Variants in ZNF724 observed in about 807,000 individuals in gnomAD.
ZNF724 encodes zinc finger protein 724.
A neutral mutation model predicts 29.3 loss-of-function variants in ZNF724; 14 were observed. The ratio of observed to expected loss-of-function variants is 0.48; its 90% CI spans 0.32 to 0.75. The LOEUF is 0.75. ZNF724 is among the 30% of genes least tolerant of loss of function. The pLI is 0.04. For missense variants in ZNF724, 557 were observed against 571.2 expected, an observed-to-expected ratio of 0.98 and a Z score of 0.25; for synonymous variants, 180 against 193.6, an observed-to-expected ratio of 0.93 and a Z score of 0.58.
At chr19:23,227,999 T>C (rs1025879078) in intron 3 of ZNF724, among the ~76,000 whole-genome samples, 1 of 152,176 alleles carries the variant, frequency 6.6e-6, no homozygotes, top group Non-Finnish European at 1.5e-5. Flanking sequence ...CAGGAATTCC[T>C]GACAAAAATG....
rs1249193907 is a variant in ZNF724 at position 23,222,529 on chromosome 19, A to G, written c.1716T>C (p.Asn572=). 6.7e-6 allele frequency: 9 copies of G among 1,347,018 alleles called. No individual in the cohort carries two copies. In the East Asian group the frequency reaches 6.9e-5, roughly 10 times the overall value. The allele number at this position is 1,347,018 out of a possible 1,614,324, so 83.4% of individuals were successfully genotyped here. The change falls in exon 4 of 4, where the codon AAT becomes AAC. Residue 572 remains asparagine, a synonymous_variant. Transcript: ENST00000418100. The stretch of plus-strand genomic sequence containing the variant: ...TATGTTTAGTCAGAGTTGAGGACCA[A>G]TTAAAGGCTTTGCCACATTCTTCAC... The part of the protein sequence containing the change: ...YKCEECGKAF[N]WSSTLTKHKV...
chr19:23,227,693 G>T (rs1410652858), intron 3 of ZNF724, among the ~76,000 whole-genome samples: 1 of 151,566 alleles, frequency 6.6e-6, no homozygotes, highest in Non-Finnish European at 1.5e-5. Context: ...TTTTTATTTA[G>T]ATATAGTCTG....
chr19:23,223,493 TC>T lies in ZNF724; in HGVS notation c.751del (p.Glu251ArgfsTer24). 1 of 753,708 alleles carries T rather than the reference TC, an allele frequency of 1.3e-6. No individual in the cohort carries two copies. Among genetic ancestry groups the T allele is most frequent in the Non-Finnish European group, 2.5e-6 (1 of 405,262 alleles). The allele number at this position is 753,708 out of a possible 1,614,324, so 46.7% of individuals were successfully genotyped here. ...ACATTCTTCACGTTTGTAGGATTTC[TC>T]TCCAGTATGAATTATCTTATGTGTG... ...LNTHKIIHTG[E>X]KSYKREECGK... On this transcript the variant is annotated frameshift_variant, in exon 4 of 4. Coordinates refer to ENST00000418100, the MANE Select transcript of ZNF724 (RefSeq NM_001355404.2). LOFTEE classifies it low-confidence loss of function (END_TRUNC).
chr19:23,232,524 TAATAA>T, intron 1 of ZNF724, among the ~76,000 whole-genome samples: 1 of 152,310 alleles, frequency 6.6e-6, no homozygotes, highest in African/African-American at 2.4e-5. Flanking sequence ...CTTTTCTGGA[TAATAA>T]AATATAAAAT....
At chr19:23,228,822 G>A (rs1043323676) in intron 3 of ZNF724, among the ~76,000 whole-genome samples, 1 of 151,078 alleles carries the variant, frequency 6.6e-6, no homozygotes, top group Admixed American at 6.6e-5. Flanking sequence ...CCTGGGAGGA[G>A]GACGTTGCAG....
At chr19:23,246,343 G>A (rs1042368289) in intron 1 of ZNF724, among the ~76,000 whole-genome samples, 7 of 152,054 alleles carry the variant, frequency 4.6e-5, no homozygotes, top group Non-Finnish European at 1.0e-4. Context: ...CCTCTAGGAG[G>A]TACCAAGTTT....
intron 3 of ZNF724, among the ~76,000 whole-genome samples, chr19:23,229,114 G>A (rs1270062955): frequency 2.0e-5 from 3 of 151,984 alleles, no homozygotes; most frequent in Admixed American, 2.0e-4. Flanking sequence ...GATCCAGGGA[G>A]GGAGTTGTGA....
chr19:23,224,716 C>G (rs1285438442), intron 3 of ZNF724, among the ~76,000 whole-genome samples: 1 of 40,932 alleles, frequency 2.4e-5, no homozygotes, highest in African/African-American at 7.6e-5. Context: ...AACACTTTGG[C>G]GTGCCGGGTG....
chr19:23,234,440 A>C (rs1160556033), intron 1 of ZNF724, among the ~76,000 whole-genome samples: 1 of 152,076 alleles, frequency 6.6e-6, no homozygotes, highest in East Asian at 1.9e-4. Flanking sequence ...CCATTTAGCT[A>C]AGCATTGCCT....
chr19:23,227,802 AT>A (rs1163222382), intron 3 of ZNF724, among the ~76,000 whole-genome samples: 1 of 151,938 alleles, frequency 6.6e-6, no homozygotes, highest in Non-Finnish European at 1.5e-5. Context: ...TAAGTATCTA[AT>A]TTACTTCAGG....
Position 23,223,909 on chromosome 19 carries a change from C to T in ZNF724, c.336G>A (p.Gln112=), listed in dbSNP as rs1040834498. ...CCACACTTTTATAGCCTTTTTTTAA[C>T]TGTAAATTGTGATGTCCACATTTTT... is the stretch of plus-strand genomic sequence containing the variant. ...KYEKCGHHNL[Q]LKKGYKSVDE... The change falls in exon 4 of 4, where the codon CAG becomes CAA. Residue 112 remains glutamine (Q), a synonymous_variant. Coordinates refer to ENST00000418100, the MANE Select transcript of ZNF724 (RefSeq NM_001355404.2). 2 of 772,052 alleles carry T rather than the reference C, an allele frequency of 2.6e-6. No homozygotes were observed. The highest frequency in any genetic ancestry group is 3.4e-5 in the African/African-American group (2 of 58,806). 47.8% of individuals were successfully genotyped at this position (772,052 alleles called of 1,614,324 possible).
chr19:23,223,415 G>A lies in ZNF724; in HGVS notation c.830C>T (p.Thr277Ile). 1.3e-6 allele frequency: 1 copy of A among 771,584 alleles called. No individual in the cohort carries two copies. Among genetic ancestry groups the A allele is most frequent in the Non-Finnish European group, 2.4e-6 (1 of 414,268 alleles). The allele number at this position is 771,584 out of a possible 1,614,324, so 47.8% of individuals were successfully genotyped here. A position where few individuals can be genotyped will look rare whatever the true frequency, so the allele number is the denominator to read the frequency against. ...SHLTTHKIIH[T>I]GENAYKCKEC... ...TTTACATTTGTAGGCATTCTCTCCA[G>A]TATGAATTATCTTATGTGTAGTAAG... The change falls in exon 4 of 4, where the codon ACT (threonine) becomes ATT (isoleucine). Residue 277 changes from threonine (T) to isoleucine (I), a missense_variant. Thr to Ile is a moderately conservative substitution (Grantham distance 89, BLOSUM62 -1). Transcript: ENST00000418100.
At chr19:23,245,609 A>T (rs1316272771) in intron 1 of ZNF724, among the ~76,000 whole-genome samples, 1 of 151,044 alleles carries the variant, frequency 6.6e-6, no homozygotes, top group African/African-American at 2.4e-5. Context: ...GCAAGACTCC[A>T]TCTCAAAAAA....
chr19:23,227,955 C>T (rs1195772321), intron 3 of ZNF724, among the ~76,000 whole-genome samples: 1 of 152,002 alleles, frequency 6.6e-6, no homozygotes, highest in Non-Finnish European at 1.5e-5. Flanking sequence ...TAAAAGGTGA[C>T]CTATTTTCTT....
intron 1 of ZNF724, among the ~76,000 whole-genome samples, chr19:23,234,996 A>G (rs2145783082): frequency 6.6e-6 from 1 of 152,212 alleles, no homozygotes; most frequent in Non-Finnish European, 1.5e-5. Flanking sequence ...TGAAGACAAC[A>G]AATCTCCATC....
chr19:23,229,688 G>A (rs1024717813), intron 3 of ZNF724, among the ~76,000 whole-genome samples: 2 of 152,192 alleles, frequency 1.3e-5, no homozygotes, highest in African/African-American at 4.8e-5. Flanking sequence ...TAGCAGCCTT[G>A]TGAGCAACCT....
At chr19:23,241,485 A>G (rs1252392576) in intron 1 of ZNF724, among the ~76,000 whole-genome samples, 9 of 152,220 alleles carry the variant, frequency 5.9e-5, no homozygotes, top group Admixed American at 5.9e-4. Context: ...ACATTGCTGC[A>G]AAAATCCTCA....
intron 1 of ZNF724, among the ~76,000 whole-genome samples, chr19:23,235,018 T>C (rs768793681): frequency 6.6e-6 from 1 of 152,218 alleles, no homozygotes; most frequent in Non-Finnish European, 1.5e-5. Flanking sequence ...TTAAGTATCA[T>C]ATTCTTTGCT....
chr19:23,223,517 G>T lies in ZNF724; in HGVS notation c.728C>A (p.Thr243Lys). 1 of 744,420 alleles carries T rather than the reference G, an allele frequency of 1.3e-6. No individual in the cohort carries two copies. 46.1% of individuals were successfully genotyped at this position (744,420 alleles called of 1,614,324 possible). A position where few individuals can be genotyped will look rare whatever the true frequency, so the allele number is the denominator to read the frequency against. ...CTCTCCAGTATGAATTATCTTATGT[G>T]TGTTAAGGTGTGAGGACTTGTTAAA... is the stretch of plus-strand genomic sequence containing the variant. Reference protein sequence around the residue: ...IAFNKSSHLNTHKIIHTGEKS... With the variant: ...IAFNKSSHLNKHKIIHTGEKS... The change falls in exon 4 of 4, where the codon ACA (threonine) becomes AAA (lysine). Residue 243 changes from threonine (T) to lysine (K), a missense_variant. Thr to Lys is a moderately conservative substitution (Grantham distance 78, BLOSUM62 -1). Transcript: ENST00000418100.
Sources: gnomAD v4.1 joint callset for allele counts (sites outside exome capture counted in the v4.1 genomes callset) on GRCh38, gnomAD v4.1.1 for gene constraint, MANE v1.5 for transcripts, NCBI Gene and HGNC (gene_info 2026-07-23, HGNC 2026-07-21) for gene names.